Variants in PDE10A observed in about 807,000 individuals in gnomAD.
PDE10A encodes the protein phosphodiesterase 10A.
A neutral mutation model predicts 97.7 loss-of-function variants in PDE10A; 39 were observed. The observed-to-expected ratio is 0.40, with a 90% confidence interval of 0.31 to 0.52. The LOEUF is 0.52. PDE10A is among the 20% of genes least tolerant of loss of function. The probability of loss-of-function intolerance (pLI) is 0.56; values close to 1 mark genes in which losing one functional copy is unlikely to be tolerated. For synonymous variants in PDE10A, 371 were observed against 376.8 expected (o/e 0.98, Z 0.18); for missense variants, 731 against 1,047.8 (o/e 0.70, Z 4.17).
At chr6:165,496,402 G>A (rs1197374421) in intron 2 of PDE10A, among the ~76,000 whole-genome samples, 1 of 152,152 alleles carries the variant, frequency 6.6e-6, no homozygotes, top group East Asian at 1.9e-4. Flanking sequence ...TCAAATCTCA[G>A]CTTCACTTAC....
In PDE10A at chr6:165,839,260, C is replaced by T. The variant is rs142991196; in HGVS notation, c.-615+148269G>A. Among the ~76,000 whole-genome samples, 9 of 152,254 alleles carry T rather than the reference C, an allele frequency of 5.9e-5. No individual in the cohort carries two copies. In the East Asian group the frequency reaches 1.7e-3, roughly 29 times the overall value. The stretch of plus-strand genomic sequence containing the variant: ...TAAATAGTGTCTTTCAGCAGAGGTG[C>T]TCAAAGAATTATAATCACTACAGCT... On this transcript the variant is annotated intron_variant, in intron 1 of 19. Coordinates refer to the PDE10A transcript ENST00000366882.
In PDE10A at chr6:165,901,717, A is replaced by T. The variant is rs375996981; in HGVS notation, c.-615+85812T>A. 3.3e-5 allele frequency among the ~76,000 whole-genome samples: 5 copies of T among 152,102 alleles called. No homozygotes were observed. The South Asian group carries it at 1.0e-3, about 32-fold the overall frequency. Reference sequence around the variant, plus strand: ...CTCGGGAGGCTGAGGCAGGAGAATCACTTGAACTTGGGAGGTGGAGGTTGT... The same window carrying T: ...CTCGGGAGGCTGAGGCAGGAGAATCTCTTGAACTTGGGAGGTGGAGGTTGT... On this transcript the variant is annotated intron_variant, in intron 1 of 19. Transcript: ENST00000366882.
intron 16 of PDE10A, among the ~76,000 whole-genome samples, chr6:165,389,474 A>G (rs145092564): frequency 1.1e-4 from 16 of 152,320 alleles, no homozygotes; most frequent in Non-Finnish European, 2.1e-4. Flanking sequence ...AAGAAAGGAC[A>G]TGAGGAGGGG....
At chr6:165,595,938 A>G (rs1387309670) in intron 1 of PDE10A, among the ~76,000 whole-genome samples, 1 of 152,222 alleles carries the variant, frequency 6.6e-6, no homozygotes, top group African/African-American at 2.4e-5. Flanking sequence ...CAACATATGA[A>G]TTTTGGGGCT....
chr6:165,416,680 A>G (rs938592377), intron 11 of PDE10A, among the ~76,000 whole-genome samples: 6 of 152,196 alleles, frequency 3.9e-5, no homozygotes, highest in Non-Finnish European at 8.8e-5. Context: ...CATTCATAAA[A>G]TATCAGTGGC....
chr6:165,467,743 A>G (rs188030324), intron 3 of PDE10A, among the ~76,000 whole-genome samples: 51 of 152,306 alleles, frequency 3.3e-4, no homozygotes, highest in African/African-American at 1.1e-3. Context: ...CATGATGACA[A>G]AGGATTTAGA....
At chr6:165,347,197 AATGTGACCTATTTTG>A (rs1782372049) in intron 18 of PDE10A, among the ~76,000 whole-genome samples, 1 of 152,148 alleles carries the variant, frequency 6.6e-6, no homozygotes, top group Non-Finnish European at 1.5e-5. Context: ...CCTTCATCAA[AATGTGACCTATTTTG>A]AGTAATTTAG....
chr6:165,867,845 A>G (rs564120949), intron 1 of PDE10A, among the ~76,000 whole-genome samples: 1 of 152,218 alleles, frequency 6.6e-6, no homozygotes, highest in East Asian at 1.9e-4. Context: ...ACTACAATGG[A>G]ACAAAACTAG....
intron 1 of PDE10A, among the ~76,000 whole-genome samples, chr6:165,824,426 T>C (rs531050589): frequency 2.0e-5 from 3 of 152,364 alleles, no homozygotes; most frequent in South Asian, 2.1e-4. Flanking sequence ...GCAACAATTA[T>C]ATAATTGCTA....
At chr6:165,878,839 G>C (rs1256244610) in intron 1 of PDE10A, among the ~76,000 whole-genome samples, 5 of 152,150 alleles carry the variant, frequency 3.3e-5, no homozygotes, top group African/African-American at 1.2e-4. Flanking sequence ...TGGAGGAAGG[G>C]GCCATGAGCC....
intron 20 of PDE10A, 89 bp downstream of exon 20, chr6:165,339,189 T>A: frequency 1.2e-6 from 1 of 809,940 alleles, no homozygotes; most frequent in Admixed American, 1.7e-5. Flanking sequence ...ACATAATATA[T>A]GATGACATGC....
At chr6:165,522,537 C>T (rs537709648) in intron 2 of PDE10A, among the ~76,000 whole-genome samples, 36 of 152,074 alleles carry the variant, frequency 2.4e-4, no homozygotes, top group African/African-American at 8.4e-4. Flanking sequence ...TCTCAATAAA[C>T]ATACAGAAAA....
chr6:165,864,182 A>T (rs965190323), intron 1 of PDE10A, among the ~76,000 whole-genome samples: 6 of 152,258 alleles, frequency 3.9e-5, no homozygotes, highest in African/African-American at 1.4e-4. Context: ...TTATAAGAAA[A>T]AAAAAATCTA....
intron 1 of PDE10A, among the ~76,000 whole-genome samples, chr6:165,683,207 C>T (rs990845756): frequency 2.0e-5 from 3 of 152,140 alleles, no homozygotes; most frequent in Admixed American, 6.5e-5. Flanking sequence ...GCCTGTGCAG[C>T]GCTCTCCAGT....
chr6:165,724,126 G>A (rs1484359631), intron 1 of PDE10A, among the ~76,000 whole-genome samples: 3 of 152,126 alleles, frequency 2.0e-5, no homozygotes, highest in Admixed American at 2.0e-4. Flanking sequence ...GCACAGACAG[G>A]GCACACACTG....
At chr6:165,600,765 A>G (rs2128394898) in intron 1 of PDE10A, among the ~76,000 whole-genome samples, 1 of 152,312 alleles carries the variant, frequency 6.6e-6, no homozygotes, top group East Asian at 1.9e-4. Flanking sequence ...CAAGGACACA[A>G]AGTAATTGCC....
At chr6:165,780,758 GCC>G (rs1778320187) in intron 1 of PDE10A, 1 of 152,316 alleles carries the variant, frequency 6.6e-6, no homozygotes, top group African/African-American at 2.4e-5. Flanking sequence ...CCTTGAACTT[GCC>G]TGAGGTCTCA....
intron 1 of PDE10A, among the ~76,000 whole-genome samples, chr6:165,567,977 T>C (rs1310325128): frequency 2.7e-5 from 4 of 147,510 alleles, no homozygotes; most frequent in Admixed American, 6.8e-5. Flanking sequence ...CAGCACACAA[T>C]AGGTACGCAA....
intron 1 of PDE10A, among the ~76,000 whole-genome samples, chr6:165,876,391 C>A (rs944012986): frequency 6.6e-6 from 1 of 152,158 alleles, no homozygotes; most frequent in African/African-American, 2.4e-5. Context: ...ACCAGTTAAT[C>A]TGCTTATTAA....
Sources: allele counts gnomAD v4.1 joint callset (sites outside exome capture counted in the v4.1 genomes callset), GRCh38; gene constraint gnomAD v4.1.1; transcripts MANE v1.5; gene names NCBI Gene and HGNC (gene_info 2026-07-23, HGNC 2026-07-21).